The following DNM2 variants were observed in gnomAD, a reference collection of about 807,000 sequenced individuals.
The protein encoded by DNM2 is dynamin-2.
DNM2 carries 15 observed loss-of-function variants against 99.0 expected under a neutral mutation model. The observed-to-expected ratio is 0.15, with a 90% CI of 0.10 to 0.23. The LOEUF is 0.23. DNM2 is among the 10% of genes least tolerant of loss of function. DNM2 has a pLI of 1.00. For synonymous variants in DNM2, 525 were observed against 481.2 expected, an observed-to-expected ratio of 1.09 and a Z score of -1.19; for missense variants, 742 against 1,189.4, an observed-to-expected ratio of 0.62 and a Z score of 5.53.
At position 10,818,262 on chromosome 19, in the gene DNM2, C is replaced by T. The variant is rs1276990202; in HGVS notation, c.1672-1718C>T. Among the ~76,000 whole-genome samples the T allele has an allele frequency of 6.6e-6, 1 of 150,860 alleles. No individual in the cohort carries two copies. On this transcript the variant is annotated intron_variant, in intron 15 of 20. Transcript: ENST00000389253. The surrounding 1 kb of genome is among the most constrained non-coding windows in gnomAD (Gnocchi z 4.3). ...GGCCACCGGGCCCCTCTCCTATGCT[C>T]TGCTCCCTCCATGGCCACCGGGCCC...
intron 7 of DNM2, among the ~76,000 whole-genome samples, chr19:10,788,436 C>G (rs11672096): frequency 0.061 from 9,293 of 152,122 alleles, 297 homozygotes; most frequent in South Asian, 0.097. Flanking sequence ...TGTGCAGGGC[C>G]TTGTGGGGCC....
chr19:10,821,585 G>A (rs1169294626), intron 16 of DNM2, among the ~76,000 whole-genome samples: 2 of 152,190 alleles, frequency 1.3e-5, no homozygotes, highest in African/African-American at 2.4e-5. Flanking sequence ...AGGCTAGAGT[G>A]CAATGGTGCG....
chr19:10,729,581 C>T (rs939265086), intron 1 of DNM2, among the ~76,000 whole-genome samples: 10 of 152,062 alleles, frequency 6.6e-5, no homozygotes, highest in African/African-American at 1.2e-4. Context: ...GTGCCCCCTG[C>T]GGACCGGAAA....
intron 1 of DNM2, among the ~76,000 whole-genome samples, chr19:10,739,847 CT>C (rs2069675343): frequency 8.3e-6 from 1 of 120,812 alleles, no homozygotes; most frequent in African/African-American, 3.4e-5. Flanking sequence ...CAGAGCAAGA[CT>C]CTCTCTCTCT....
intron 1 of DNM2, among the ~76,000 whole-genome samples, chr19:10,749,186 C>T (rs998601096): frequency 6.6e-6 from 1 of 152,182 alleles, no homozygotes; most frequent in Non-Finnish European, 1.5e-5. Context: ...GTTGATTCTC[C>T]CTCCCATGGG....
chr19:10,793,582 T>A lies in DNM2; in HGVS notation c.993-138T>A. 2.0e-6 allele frequency: 3 copies of A among 1,509,574 alleles called. 1 individual carries two copies. In the South Asian group the frequency reaches 3.4e-5, roughly 17 times the overall value. 93.5% of individuals were successfully genotyped at this position (1,509,574 alleles called of 1,614,324 possible). ...TTGGGAGCTCTTGAATTTGGTTTAT[T>A]TGTCTTAATATAGACAGAAGACATT... On this transcript the variant is annotated intron_variant, in intron 7 of 20. Transcript: ENST00000389253.
chr19:10,779,741 A>G (rs2071293302), intron 5 of DNM2, among the ~76,000 whole-genome samples: 1 of 151,666 alleles, frequency 6.6e-6, no homozygotes, highest in African/African-American at 2.4e-5. Context: ...GCTGGAGTGC[A>G]GGGGCACAAT....
At chr19:10,741,610 C>T (rs1031195691) in intron 1 of DNM2, among the ~76,000 whole-genome samples, 7 of 149,958 alleles carry the variant, frequency 4.7e-5, no homozygotes, top group Non-Finnish European at 1.0e-4. Flanking sequence ...AGTGCAGTGG[C>T]GCGATCTTGG....
intron 1 of DNM2, among the ~76,000 whole-genome samples, chr19:10,745,333 G>A (rs547889142): frequency 3.3e-5 from 5 of 152,102 alleles, no homozygotes; most frequent in South Asian, 2.1e-4. Flanking sequence ...TCAGGGAGTC[G>A]GCTGTCCTTG....
At chr19:10,803,268 G>A (rs2072218946) in intron 12 of DNM2, among the ~76,000 whole-genome samples, 1 of 152,202 alleles carries the variant, frequency 6.6e-6, no homozygotes, top group Non-Finnish European at 1.5e-5. Context: ...GGAGTCACCA[G>A]ATACAACATT....
chr19:10,736,992 T>G (rs1048453767), intron 1 of DNM2, among the ~76,000 whole-genome samples: 1 of 151,990 alleles, frequency 6.6e-6, no homozygotes, highest in African/African-American at 2.4e-5. Context: ...TACAAAACAT[T>G]TAAAAATTAG....
rs1371385791 is a variant in DNM2, at chr19:10,831,219, C to T, written c.*172C>T. 2 of 1,388,142 alleles carry T rather than the reference C, an allele frequency of 1.4e-6. No homozygotes were observed. The highest frequency in any genetic ancestry group is 1.9e-6 in the Non-Finnish European group (2 of 1,075,672). 86.0% of individuals were successfully genotyped at this position (1,388,142 alleles called of 1,614,324 possible). On this transcript the variant is annotated 3_prime_UTR_variant, in exon 21 of 21. Coordinates refer to ENST00000389253, the MANE Select transcript of DNM2 (RefSeq NM_001005361.3). This position sits in a 1 kb window ranked among gnomAD's most constrained non-coding sequence, Gnocchi z 4.3. ...GGGCCGGCCCCTGTGCCTGGCTGGA[C>T]ACCGCACTGCGCAAAGGGGCCCTGG...
rs1373040021 is a variant in DNM2 at position 10,817,785 on chromosome 19, A to C, written c.1672-2195A>C. 2.1e-5 allele frequency among the ~76,000 whole-genome samples: 1 copy of C among 48,698 alleles called. No individual in the cohort carries two copies. Among genetic ancestry groups the C allele is most frequent in the South Asian group, 8.8e-4 (1 of 1,134 alleles). 31.9% of individuals were successfully genotyped at this position (48,698 alleles called of 152,430 possible). On this transcript the variant is annotated intron_variant, in intron 15 of 20. Coordinates refer to ENST00000389253, the MANE Select transcript of DNM2 (RefSeq NM_001005361.3). This position sits in a 1 kb window ranked among gnomAD's most constrained non-coding sequence, Gnocchi z 4.6. The stretch of plus-strand genomic sequence containing the variant: ...TCTTTGGGGGTCGGGGGTGGGGAGG[A>C]GGGGCGCACACACACGTGTGTGTGT...
In DNM2 at chr19:10,783,093, G is replaced by T. The variant is rs201763720; in HGVS notation, c.822G>T (p.Thr274=). The T allele has an allele frequency of 1.9e-6, 3 of 1,613,044 alleles. No homozygotes were observed. The highest frequency in any genetic ancestry group is 2.2e-5 in the South Asian group (2 of 91,088). The part of the protein sequence containing the change: ...AYRHMADRMG[T]PHLQKTLNQQ... ...GGCACATGGCCGACCGCATGGGCAC[G>T]CCACATCTGCAGAAGACGCTGAATC... The change falls in exon 6 of 21, where the codon ACG becomes ACT. Residue 274 remains threonine, a synonymous_variant. Coordinates refer to ENST00000389253, the MANE Select transcript of DNM2 (RefSeq NM_001005361.3).
intron 1 of DNM2, among the ~76,000 whole-genome samples, chr19:10,750,728 C>T (rs1039421375): frequency 2.3e-4 from 35 of 151,694 alleles, no homozygotes; most frequent in Admixed American, 3.3e-4. Flanking sequence ...GCCAGGAGTT[C>T]GAGACCAGCC....
intron 10 of DNM2, 52 bp downstream of exon 10, chr19:10,797,570 G>A: frequency 6.2e-7 from 1 of 1,613,158 alleles, no homozygotes; most frequent in Non-Finnish European, 8.5e-7. Flanking sequence ...CCCCCTCCAT[G>A]TGTTAGTCTC....
At chr19:10,751,559 C>T (rs1039012380) in intron 1 of DNM2, among the ~76,000 whole-genome samples, 2 of 152,190 alleles carry the variant, frequency 1.3e-5, no homozygotes, top group African/African-American at 4.8e-5. Flanking sequence ...CAGGCCCCTG[C>T]TCACCAAGCT....
chr19:10,787,752 CAAAAAAAA>C (rs35556775), intron 7 of DNM2, among the ~76,000 whole-genome samples: 2 of 108,366 alleles, frequency 1.8e-5, no homozygotes, highest in African/African-American at 7.2e-5. Flanking sequence ...AAGACTGTCT[CAAAAAAAA>C]AAAAAAAAAA....
intron 1 of DNM2, among the ~76,000 whole-genome samples, chr19:10,746,993 C>T (rs188872220): frequency 2.4e-4 from 37 of 151,470 alleles, no homozygotes; most frequent in Non-Finnish European, 4.4e-4. Flanking sequence ...CGCCTCGGCC[C>T]CGCAAAGTGC....
Sources: gnomAD v4.1 joint callset for allele counts (sites outside exome capture counted in the v4.1 genomes callset) on GRCh38, gnomAD v4.1.1 for gene constraint, Gnocchi (gnomAD v3.1) non-coding constraint, MANE v1.5 for transcripts, NCBI Gene and HGNC (gene_info 2026-07-23, HGNC 2026-07-21) for gene names.